KAT6B: variants seen among roughly 807,000 people sequenced by gnomAD.
KAT6B encodes histone acetyltransferase KAT6B.
A neutral mutation model predicts 187.5 loss-of-function variants in KAT6B; 10 were observed. The ratio of observed to expected loss-of-function variants is 0.05; its 90% CI spans 0.03 to 0.09. The LOEUF (loss-of-function observed/expected upper bound fraction) is 0.09. KAT6B is among the 10% of genes least tolerant of loss of function. KAT6B has a pLI of 1.00. For synonymous variants in KAT6B, 861 were observed against 926.8 expected, an observed-to-expected ratio of 0.93 and a Z score of 1.29; for missense variants, 1,952 against 2,558.9, an observed-to-expected ratio of 0.76 and a Z score of 5.12.
In KAT6B at chr10:74,969,932, G is replaced by A. The variant is rs1393242836; in HGVS notation, c.847-88G>A. ...GATCTTGGTGCACTTTCCTTATATTGTATTAATGTTAATCCAGTAACAAAA... is the reference window on the plus strand; with the variant it reads ...GATCTTGGTGCACTTTCCTTATATTATATTAATGTTAATCCAGTAACAAAA... On this transcript the variant is annotated intron_variant, in intron 5 of 17. Transcript: ENST00000287239. The A allele has an allele frequency of 3.8e-6, 4 of 1,055,360 alleles. No individual in the cohort carries two copies. The African/African-American group carries it at 6.3e-5, about 17-fold the overall frequency. The allele number at this position is 1,055,360 out of a possible 1,614,324, so 65.4% of individuals were successfully genotyped here.
At chr10:74,960,327 C>T (rs1341214333) in intron 4 of KAT6B, among the ~76,000 whole-genome samples, 1 of 152,004 alleles carries the variant, frequency 6.6e-6, no homozygotes, top group Non-Finnish European at 1.5e-5. Flanking sequence ...TTTATACCAG[C>T]ATTGGTAATT....
Position 74,873,618 on chromosome 10 carries a change from G to A in KAT6B, c.621+30140G>A, listed in dbSNP as rs76546445. On this transcript the variant is annotated intron_variant, in intron 3 of 17. Transcript: ENST00000287239. ...GACTGGGGTTTTGACAGTGGGGATGGAGAGATGAGGACAGATCTGAAATAT... is the reference window on the plus strand; with the variant it reads ...GACTGGGGTTTTGACAGTGGGGATGAAGAGATGAGGACAGATCTGAAATAT... Among the ~76,000 whole-genome samples the A allele has an allele frequency of 8.9e-3, 1,360 of 152,222 alleles. 21 individuals carry two copies. Among genetic ancestry groups the A allele is most frequent in the African/African-American group, 0.031 (1,301 of 41,528 alleles).
intron 3 of KAT6B, among the ~76,000 whole-genome samples, chr10:74,858,665 A>G (rs1057409742): frequency 1.3e-5 from 2 of 152,068 alleles, no homozygotes; most frequent in African/African-American, 4.8e-5. Flanking sequence ...ATACAAGGTG[A>G]TTTATCAAGA....
intron 3 of KAT6B, among the ~76,000 whole-genome samples, chr10:74,942,736 G>A (rs944192661): frequency 8.8e-6 from 1 of 114,082 alleles, no homozygotes; most frequent in Non-Finnish European, 1.6e-5. Context: ...TTGCACTCCA[G>A]CCTAGGCAAC....
intron 3 of KAT6B, among the ~76,000 whole-genome samples, chr10:74,843,841 AT>A (rs991640430): frequency 2.8e-4 from 43 of 152,256 alleles, no homozygotes; most frequent in African/African-American, 1.0e-3. Context: ...CTTTATTACT[AT>A]TTTCAAAGAA....
chr10:74,863,127 T>G (rs1383343194), intron 3 of KAT6B, among the ~76,000 whole-genome samples: 1 of 152,218 alleles, frequency 6.6e-6, no homozygotes, highest in African/African-American at 2.4e-5. Flanking sequence ...AGATGATACA[T>G]TATCACTGCA....
intron 6 of KAT6B, among the ~76,000 whole-genome samples, chr10:74,970,311 A>G (rs975395476): frequency 6.6e-6 from 1 of 151,672 alleles, no homozygotes; most frequent in African/African-American, 2.4e-5. Flanking sequence ...ATATATACAT[A>G]TATATAAAAT....
At chr10:75,019,287 C>A (rs1281167138) in intron 13 of KAT6B, among the ~76,000 whole-genome samples, 1 of 152,192 alleles carries the variant, frequency 6.6e-6, no homozygotes, top group Non-Finnish European at 1.5e-5. Context: ...GCCTATTCTT[C>A]ATAATGGCAT....
chr10:75,019,764 C>CTTT (rs71307707), intron 13 of KAT6B, among the ~76,000 whole-genome samples: 3 of 129,422 alleles, frequency 2.3e-5, no homozygotes, highest in South Asian at 5.0e-4. Context: ...GGGCTGGTTT[C>CTTT]TTTTTTTTTT....
At chr10:74,953,366 A>C (rs576902498) in intron 3 of KAT6B, among the ~76,000 whole-genome samples, 31 of 152,292 alleles carry the variant, frequency 2.0e-4, no homozygotes, top group African/African-American at 7.2e-4. Context: ...AATACTCATA[A>C]TAATATTTGA....
chr10:74,887,403 C>T (rs759708537), intron 3 of KAT6B, among the ~76,000 whole-genome samples: 1 of 152,178 alleles, frequency 6.6e-6, no homozygotes, highest in African/African-American at 2.4e-5. Flanking sequence ...TCTTGGCTCA[C>T]TGCAACCTCT....
At position 74,976,004 on chromosome 10, in the gene KAT6B, A is replaced by T. The variant is rs965354059; in HGVS notation, c.1667A>T (p.Gln556Leu). ...GLSHIYTTQG[Q>L]SRKKGHPSYA... ...TCTCATATCTATACCACTCAGGGAC[A>T]GTCTCGCAAAAAGGGACACCCGAGT... Residue 556 changes from glutamine (Q) to leucine (L), a missense_variant, in exon 8 of 18, where the codon CAG becomes CTG. By Grantham distance (113) the Gln-to-Leu change is moderately radical. Transcript: ENST00000287239. The T allele has an allele frequency of 6.2e-6, 10 of 1,614,044 alleles. No homozygotes were observed. In the Admixed American group the frequency reaches 1.5e-4, roughly 24 times the overall value.
At chr10:74,987,405 C>A (rs764880851) in intron 12 of KAT6B, among the ~76,000 whole-genome samples, 16 of 152,060 alleles carry the variant, frequency 1.1e-4, no homozygotes, top group Admixed American at 1.3e-4. Flanking sequence ...TGCACTCCAG[C>A]CTGGCAACAG....
intron 10 of KAT6B, among the ~76,000 whole-genome samples, chr10:74,981,059 A>T (rs1445478208): frequency 2.6e-5 from 4 of 152,214 alleles, no homozygotes; most frequent in African/African-American, 9.7e-5. Context: ...TATAATTGGA[A>T]ATAAGATAGT....
At chr10:74,851,333 A>ATT (rs1212836217) in intron 3 of KAT6B, among the ~76,000 whole-genome samples, 7 of 128,306 alleles carry the variant, frequency 5.5e-5, no homozygotes, top group African/African-American at 1.5e-4. Flanking sequence ...GATAAGAATG[A>ATT]TTTTTTTTTT....
At chr10:74,947,067 T>C (rs903640142) in intron 3 of KAT6B, among the ~76,000 whole-genome samples, 1 of 152,204 alleles carries the variant, frequency 6.6e-6, no homozygotes, top group Non-Finnish European at 1.5e-5. Flanking sequence ...TGGCACGATC[T>C]TGGCTCACTA....
intron 4 of KAT6B, among the ~76,000 whole-genome samples, chr10:74,962,604 A>T (rs1169498303): frequency 6.6e-6 from 1 of 152,318 alleles, no homozygotes; most frequent in East Asian, 1.9e-4. Context: ...GGAAATATAG[A>T]TGGCAGCCTG....
At chr10:74,886,977 G>A (rs1445515494) in intron 3 of KAT6B, among the ~76,000 whole-genome samples, 2 of 152,196 alleles carry the variant, frequency 1.3e-5, no homozygotes, top group Non-Finnish European at 2.9e-5. Context: ...CATGTCAGCA[G>A]TGGGGAGCAG....
intron 3 of KAT6B, among the ~76,000 whole-genome samples, chr10:74,919,750 T>A (rs1005282960): frequency 1.3e-5 from 2 of 152,200 alleles, no homozygotes; most frequent in Admixed American, 6.5e-5. Context: ...ATTAAACATA[T>A]GTTAAAATTT....
Sources: gnomAD v4.1 joint callset for allele counts (sites outside exome capture counted in the v4.1 genomes callset) on GRCh38, gnomAD v4.1.1 for gene constraint, MANE v1.5 for transcripts, NCBI Gene and HGNC (gene_info 2026-07-23, HGNC 2026-07-21) for gene names.